Variants in HMCN1 observed in about 807,000 individuals in gnomAD.
The protein encoded by HMCN1 is hemicentin-1.
Under a neutral mutation model 625.9 loss-of-function variants are expected in HMCN1, and 321 were observed. The ratio of observed to expected loss-of-function variants is 0.51; its 90% CI spans 0.47 to 0.56. HMCN1 has a LOEUF of 0.56. Ranked by LOEUF, HMCN1 falls within the 20% of genes least tolerant of loss-of-function variation. The pLI is 0.00. For synonymous variants in HMCN1, 2,425 were observed against 2,417.6 expected (o/e 1.00, Z -0.09); for missense variants, 6,588 against 6,887.3 (o/e 0.96, Z 1.54).
intron 2 of HMCN1, among the ~76,000 whole-genome samples, chr1:185,858,146 C>G (rs1432656456): frequency 6.6e-6 from 1 of 152,132 alleles, no homozygotes; most frequent in East Asian, 1.9e-4. Flanking sequence ...AAAAGTGATA[C>G]TTACCTTATC....
At chr1:186,092,971 T>C (rs150336714) in intron 64 of HMCN1, among the ~76,000 whole-genome samples, 163 bp from the exon 65 acceptor site, 149 of 152,258 alleles carry the variant, frequency 9.8e-4, no homozygotes, top group African/African-American at 3.4e-3. Flanking sequence ...ACTTCCTTTT[T>C]TTCTTATAAG....
intron 4 of HMCN1, among the ~76,000 whole-genome samples, chr1:185,893,948 T>A (rs1191867108): frequency 6.6e-6 from 1 of 152,048 alleles, no homozygotes; most frequent in Non-Finnish European, 1.5e-5. Context: ...ACATGGTTTA[T>A]CATTATACTG....
intron 4 of HMCN1, among the ~76,000 whole-genome samples, chr1:185,895,650 A>G (rs564026096): frequency 6.6e-6 from 1 of 152,302 alleles, no homozygotes; most frequent in African/African-American, 2.4e-5. Flanking sequence ...TCACCAAGGG[A>G]TCAGTGCAGG....
At position 185,864,379 on chromosome 1, in the gene HMCN1, C is replaced by T. The variant is rs563096727; in HGVS notation, c.340-91C>T. 3.0e-5 allele frequency: 36 copies of T among 1,215,864 alleles called. 1 individual carries two copies. The South Asian group carries it at 3.8e-4, about 13-fold the overall frequency. 75.3% of individuals were successfully genotyped at this position (1,215,864 alleles called of 1,614,324 possible). A position where few individuals can be genotyped will look rare whatever the true frequency, so the allele number is the denominator to read the frequency against. On this transcript the variant is annotated intron_variant, in intron 2 of 106. Coordinates refer to ENST00000271588, the MANE Select transcript of HMCN1 (RefSeq NM_031935.3). Reference sequence around the variant, plus strand: ...CAGAAAATAAAAAGGAAAACTTGCTCGTTCTAAAACTCCCAAAGCACCTTG... The same window carrying T: ...CAGAAAATAAAAAGGAAAACTTGCTTGTTCTAAAACTCCCAAAGCACCTTG...
chr1:186,027,339 A>G (rs1273808497), intron 36 of HMCN1, among the ~76,000 whole-genome samples: 2 of 152,216 alleles, frequency 1.3e-5, no homozygotes, highest in East Asian at 3.9e-4. Flanking sequence ...TAAACCTCAG[A>G]TATTTGCCAA....
At chr1:185,955,881 T>G (rs1433449392) in intron 11 of HMCN1, among the ~76,000 whole-genome samples, 2 of 152,188 alleles carry the variant, frequency 1.3e-5, no homozygotes, top group Non-Finnish European at 2.9e-5. Flanking sequence ...TTACATTACT[T>G]GAGTCATAGA....
At chr1:185,771,874 G>A (rs908036965) in intron 1 of HMCN1, among the ~76,000 whole-genome samples, 11 of 152,078 alleles carry the variant, frequency 7.2e-5, no homozygotes, top group African/African-American at 1.9e-4. Context: ...GATACATTAC[G>A]TGCTTCAATT....
chr1:185,979,114 C>A (rs1363128998), intron 16 of HMCN1, among the ~76,000 whole-genome samples: 1 of 152,100 alleles, frequency 6.6e-6, no homozygotes, highest in African/African-American at 2.4e-5. Context: ...ATATAGGGTC[C>A]CTCACTCAGG....
At chr1:185,830,298 C>T (rs770540199) in intron 1 of HMCN1, among the ~76,000 whole-genome samples, 3 of 151,922 alleles carry the variant, frequency 2.0e-5, no homozygotes, top group Non-Finnish European at 4.4e-5. Context: ...TTGCTTTTGG[C>T]GTTTTTGTCA....
At chr1:186,074,246 T>C (rs1658658536) in intron 52 of HMCN1, among the ~76,000 whole-genome samples, 1 of 151,930 alleles carries the variant, frequency 6.6e-6, no homozygotes, top group Non-Finnish European at 1.5e-5. Context: ...ATAATATAAA[T>C]ATCTTTAGGT....
chr1:186,081,110 T>C, intron 55 of HMCN1, 97 bp from the exon 56 acceptor site: 1 of 1,002,190 alleles, frequency 1.0e-6, no homozygotes, highest in Non-Finnish European at 1.6e-6. Flanking sequence ...TTTGCTTCTC[T>C]ATTATTATCC....
rs183089002 is a variant in HMCN1 at position 186,081,627 on chromosome 1, C to G, written c.8787+233C>G. 8.9e-4 allele frequency among the ~76,000 whole-genome samples: 136 copies of G among 152,244 alleles called. 1 individual carries two copies. Among genetic ancestry groups the G allele is most frequent in the East Asian group, 1.9e-3 (10 of 5,182 alleles). ...GATTTTTCCAGAAATGTTCTACACA[C>G]ACCTCAATTGACTACAATATGGCCT... On this transcript the variant is annotated intron_variant, in intron 56 of 106. Coordinates refer to ENST00000271588, the MANE Select transcript of HMCN1 (RefSeq NM_031935.3).
chr1:186,089,384 A>C (rs950300045), intron 63 of HMCN1, among the ~76,000 whole-genome samples: 14 of 152,012 alleles, frequency 9.2e-5, no homozygotes, highest in Admixed American at 7.2e-4. Flanking sequence ...TTCCAATCTT[A>C]TAGTTATTAG....
intron 1 of HMCN1, among the ~76,000 whole-genome samples, chr1:185,768,535 G>C (rs186424065): frequency 3.4e-4 from 52 of 152,302 alleles, no homozygotes; most frequent in Admixed American, 1.5e-3. Context: ...CCACGTGAAT[G>C]AATGAGTAAA....
chr1:185,871,733 C>T (rs1663632242), intron 4 of HMCN1, among the ~76,000 whole-genome samples: 1 of 151,282 alleles, frequency 6.6e-6, no homozygotes, highest in African/African-American at 2.5e-5. Flanking sequence ...AGTTTTTTCC[C>T]TGAGTTCAAT....
At chr1:186,072,504 A>C (rs1183178164) in intron 52 of HMCN1, among the ~76,000 whole-genome samples, 1 of 152,194 alleles carries the variant, frequency 6.6e-6, no homozygotes, top group Non-Finnish European at 1.5e-5. Context: ...ACTCATGTGA[A>C]GTTTAGGAAG....
intron 1 of HMCN1, among the ~76,000 whole-genome samples, chr1:185,795,795 A>G (rs1028042187): frequency 1.3e-5 from 2 of 152,202 alleles, no homozygotes; most frequent in African/African-American, 4.8e-5. Flanking sequence ...ATACTAAGTA[A>G]TTTCAATGAT....
At chr1:186,155,103 C>T (rs1158010607) in intron 97 of HMCN1, among the ~76,000 whole-genome samples, 3 of 152,182 alleles carry the variant, frequency 2.0e-5, no homozygotes, top group Admixed American at 1.3e-4. Context: ...TTTTAAACTT[C>T]ACCATTTTAT....
intron 34 of HMCN1, 136 bp from the exon 35 acceptor site, chr1:186,019,405 A>G: frequency 1.4e-6 from 1 of 693,782 alleles, no homozygotes; most frequent in East Asian, 2.6e-5. Context: ...GCACATGATG[A>G]AAGTATTTCA....
Sources: allele counts gnomAD v4.1 joint callset (sites outside exome capture counted in the v4.1 genomes callset), GRCh38; gene constraint gnomAD v4.1.1; transcripts MANE v1.5; gene names NCBI Gene and HGNC (gene_info 2026-07-23, HGNC 2026-07-21).